CDK9: variants seen among roughly 807,000 people sequenced by gnomAD.
The protein encoded by CDK9 is cyclin-dependent kinase 9.
A neutral mutation model predicts 39.0 loss-of-function variants in CDK9; 34 were observed. The observed-to-expected ratio is 0.87, with a 90% CI of 0.66 to 1.16. The LOEUF (loss-of-function observed/expected upper bound fraction) is 1.16. Among genes scored for constraint, CDK9 ranks in the 50% most tolerant of loss-of-function variants. The probability of loss-of-function intolerance (pLI) is 0.00; values close to 1 mark genes in which losing one functional copy is unlikely to be tolerated. For missense variants in CDK9, 369 were observed against 503.2 expected (o/e 0.73, Z 2.55); for synonymous variants, 233 against 196.2 (o/e 1.19, Z -1.57).
In CDK9 at chr9:127,789,537, C is replaced by T. The variant is rs767296801; in HGVS notation, c.1113C>T (p.Val371=). The T allele has an allele frequency of 6.8e-6, 11 of 1,613,330 alleles. No individual in the cohort carries two copies. The highest frequency in any genetic ancestry group is 2.2e-5 in the South Asian group (2 of 91,058). Residue 371 remains valine, a synonymous_variant, in exon 7 of 7, where the codon GTC becomes GTT. Coordinates refer to ENST00000373264, the MANE Select transcript of CDK9 (RefSeq NM_001261.4). The surrounding 1 kb of genome is among the most constrained non-coding windows in gnomAD (Gnocchi z 5.2). ...CCAACCAGACGGAGTTTGAGCGCGT[C>T]TTCTGAGGGCCGGCGCTTGCCACTA... ...ATTNQTEFER[V]F is the part of the protein sequence containing the mutation.
At position 127,790,140 on chromosome 9, in the gene CDK9, A is replaced by G. The variant is rs1174987105; in HGVS notation, c.*597A>G. On this transcript the variant is annotated 3_prime_UTR_variant, in exon 7 of 7. Coordinates refer to ENST00000373264, the MANE Select transcript of CDK9 (RefSeq NM_001261.4). ...GTTTTGTTCTGCGCACACACCGCCAACTGTTCCCCCACAGTCAGCAGCAGG... is the reference window on the plus strand; with the variant it reads ...GTTTTGTTCTGCGCACACACCGCCAGCTGTTCCCCCACAGTCAGCAGCAGG... 2.0e-5 allele frequency: 3 copies of G among 151,572 alleles called. No homozygotes were observed. The highest frequency in any genetic ancestry group is 6.6e-5 in the Admixed American group (1 of 15,174). The allele number at this position is 151,572 out of a possible 1,614,324, so 9.4% of individuals were successfully genotyped here.
intron 1 of CDK9, 114 bp from the exon 2 acceptor site, chr9:127,786,587 A>G (rs1299787721): frequency 2.0e-5 from 19 of 946,512 alleles, no homozygotes; most frequent in African/African-American, 4.9e-5. Context: ...CTGGGTACCT[A>G]GCCCAGCCCC....
In CDK9 at chr9:127,786,075, C is replaced by T. The variant is rs898084298; in HGVS notation, c.-74C>T. ...CGCGGCCGCGGAGGGGCCTGGAGTG[C>T]GGCGGCGGCGGGACCCGGAGCAGGA... On this transcript the variant is annotated 5_prime_UTR_variant, in exon 1 of 7. Transcript: ENST00000373264. 11 of 1,045,102 alleles carry T rather than the reference C, an allele frequency of 1.1e-5. No homozygotes were observed. The highest frequency in any genetic ancestry group is 1.5e-5 in the Non-Finnish European group (11 of 732,292). The allele number at this position is 1,045,102 out of a possible 1,614,324, so 64.7% of individuals were successfully genotyped here.
intron 5 of CDK9, 58 bp downstream of exon 5, chr9:127,788,443 C>T (rs1829369953): frequency 1.3e-6 from 2 of 1,559,400 alleles, no homozygotes; most frequent in African/African-American, 2.7e-5. Context: ...CTGGCCCCTT[C>T]CCCCCAACTG....
intron 5 of CDK9, 22 bp from the exon 6 acceptor site, chr9:127,788,522 C>A: frequency 6.5e-7 from 1 of 1,547,968 alleles, no homozygotes; most frequent in East Asian, 2.4e-5. Flanking sequence ...AAGGGGCCCT[C>A]CTGGTGCGCT....
rs1829392823 is a variant in CDK9, at chr9:127,789,591, T to C, written c.*48T>C. The C allele has an allele frequency of 6.3e-7, 1 of 1,588,040 alleles. No individual in the cohort carries two copies. The highest frequency in any genetic ancestry group is 8.6e-7 in the Non-Finnish European group (1 of 1,167,220). ...CTCTTGTGTTTTTTTTCTTCTGCTA[T>C]GTGACTTGCATCGTGGAGACAGGGC... On this transcript the variant is annotated 3_prime_UTR_variant, in exon 7 of 7. Coordinates refer to ENST00000373264, the MANE Select transcript of CDK9 (RefSeq NM_001261.4). This position sits in a 1 kb window ranked among gnomAD's most constrained non-coding sequence, Gnocchi z 5.2.
intron 1 of CDK9, 68 bp from the exon 2 acceptor site, chr9:127,786,633 T>A: frequency 7.5e-7 from 1 of 1,324,736 alleles, no homozygotes; most frequent in African/African-American, 1.4e-5. Context: ...CCTCCTCCTG[T>A]AGTGGGGGAG....
In CDK9 at chr9:127,790,667, C is replaced by G. The variant is rs961441569; in HGVS notation, c.*1124C>G. ...GAGGTCAATTTCCTACATCCTCTTA[C>G]AGGCGGAGACCTTGAAGTGGGGCCA... is the stretch of plus-strand genomic sequence containing the variant. On this transcript the variant is annotated 3_prime_UTR_variant, in exon 7 of 7. Transcript: ENST00000373264. 2.6e-5 allele frequency: 4 copies of G among 152,100 alleles called. No homozygotes were observed. The highest frequency in any genetic ancestry group is 9.7e-5 in the African/African-American group (4 of 41,400). The allele number at this position is 152,100 out of a possible 1,614,324, so 9.4% of individuals were successfully genotyped here. A position where few individuals can be genotyped will look rare whatever the true frequency, so the allele number is the denominator to read the frequency against.
rs375572085 is a variant in CDK9, at chr9:127,789,833, G to A, written c.*290G>A. 16 of 412,320 alleles carry A rather than the reference G, an allele frequency of 3.9e-5. No individual in the cohort carries two copies. Among genetic ancestry groups the A allele is most frequent in the East Asian group, 1.5e-4 (3 of 19,568 alleles). 25.5% of individuals were successfully genotyped at this position (412,320 alleles called of 1,614,324 possible). On this transcript the variant is annotated 3_prime_UTR_variant, in exon 7 of 7. Coordinates refer to ENST00000373264, the MANE Select transcript of CDK9 (RefSeq NM_001261.4). This position sits in a 1 kb window ranked among gnomAD's most constrained non-coding sequence, Gnocchi z 5.2. ...GTGACTTTTTCTAAGAGCTCCCGGC[G>A]TGGTGGAAGAGGGGACAGGTCCCTC...
chr9:127,786,669 A>C, intron 1 of CDK9, 32 bp from the exon 2 acceptor site: 1 of 1,596,698 alleles, frequency 6.3e-7, no homozygotes, highest in African/African-American at 1.3e-5. Flanking sequence ...AAATGGCCTG[A>C]TGAGTTCTCG....
At position 127,788,257 on chromosome 9, in the gene CDK9, G is replaced by C. The variant is rs769188538; in HGVS notation, c.476G>C (p.Arg159Pro). ...AAGGCTGCTAATGTGCTTATCACTC[G>C]TGATGGGGTCCTGAAGCTGGCAGAC... ...DMKAANVLIT[R>P]DGVLKLADFG... Residue 159 changes from arginine to proline, a missense_variant, in exon 5 of 7, where the codon CGT becomes CCT. By Grantham distance (103) the Arg-to-Pro change is moderately radical (BLOSUM62 -2). Transcript: ENST00000373264. 21 of 1,613,706 alleles carry C rather than the reference G, an allele frequency of 1.3e-5. No homozygotes were observed. The highest frequency in any genetic ancestry group is 1.7e-5 in the Non-Finnish European group (20 of 1,180,042).
chr9:127,788,293 C>A lies in CDK9; in HGVS notation c.512C>A (p.Ala171Asp). 1 of 1,613,434 alleles carries A rather than the reference C, an allele frequency of 6.2e-7. No homozygotes were observed. Among genetic ancestry groups the A allele is most frequent in the Non-Finnish European group, 8.5e-7 (1 of 1,179,992 alleles). The change falls in exon 5 of 7, where the codon GCC (alanine) becomes GAC (aspartate). Residue 171 changes from alanine to aspartate, a missense_variant. Physicochemically the swap from Ala to Asp is moderately radical, Grantham distance 126 (BLOSUM62 -2). Coordinates refer to ENST00000373264, the MANE Select transcript of CDK9 (RefSeq NM_001261.4). ...CTGAAGCTGGCAGACTTTGGGCTGG[C>A]CCGGGCCTTCAGCCTGGCCAAGAAC... The part of the protein sequence containing the change: ...GVLKLADFGL[A>D]RAFSLAKNSQ...
chr9:127,786,769 A>G lies in CDK9; in HGVS notation c.161A>G (p.Asn54Ser), dbSNP rs1829329177. The G allele has an allele frequency of 6.2e-7, 1 of 1,613,774 alleles. No individual in the cohort carries two copies. ...KVALKKVLMENEKEGFPITAL... is the reference protein window; with the variant it reads ...KVALKKVLMESEKEGFPITAL... Reference sequence around the variant, plus strand: ...GCTCTGAAGAAGGTGCTGATGGAAAACGAGAAGGAGGGGGTGAGTACGGAT... The same window carrying G: ...GCTCTGAAGAAGGTGCTGATGGAAAGCGAGAAGGAGGGGGTGAGTACGGAT... The change falls in exon 2 of 7, where the codon AAC becomes AGC. Residue 54 changes from asparagine (N) to serine (S), a missense_variant. By Grantham distance (46) the Asn-to-Ser change is conservative. Coordinates refer to ENST00000373264, the MANE Select transcript of CDK9 (RefSeq NM_001261.4).
At position 127,786,316 on chromosome 9, in the gene CDK9, C is replaced by CCG. The variant is rs1554803155; in HGVS notation, c.92+77_92+78insGC. 4.1e-6 allele frequency: 5 copies of CCG among 1,216,644 alleles called. No homozygotes were observed. The African/African-American group carries it at 4.7e-5, about 11-fold the overall frequency. 75.4% of individuals were successfully genotyped at this position (1,216,644 alleles called of 1,614,324 possible). A position where few individuals can be genotyped will look rare whatever the true frequency, so the allele number is the denominator to read the frequency against. On this transcript the variant is annotated intron_variant, in intron 1 of 6. Transcript: ENST00000373264. The stretch of plus-strand genomic sequence containing the variant: ...CCGACGTCGGGATGCCCGGGCCCCC[C>CCG]CCGAGTTGGTAGAGAAGTCGTCTGT...
At chr9:127,787,198 G>A (rs1018859159) in intron 2 of CDK9, among the ~76,000 whole-genome samples, 4 of 152,122 alleles carry the variant, frequency 2.6e-5, no homozygotes, top group South Asian at 2.1e-4. Context: ...CTTCTTTTGC[G>A]TAATGTGCAT....
chr9:127,789,512 C>G lies in CDK9; in HGVS notation c.1088C>G (p.Thr363Ser), dbSNP rs771220295. The change falls in exon 7 of 7, where the codon ACC becomes AGC. Residue 363 changes from threonine to serine, a missense_variant. Coordinates refer to ENST00000373264, the MANE Select transcript of CDK9 (RefSeq NM_001261.4). The surrounding 1 kb of genome is among the most constrained non-coding windows in gnomAD (Gnocchi z 5.2). Reference sequence around the variant, plus strand: ...AACCAGAGTCGCAATCCCGCCACCACCAACCAGACGGAGTTTGAGCGCGTC... The same window carrying G: ...AACCAGAGTCGCAATCCCGCCACCAGCAACCAGACGGAGTTTGAGCGCGTC... ...STNQSRNPAT[T>S]NQTEFERVF is the part of the protein sequence containing the mutation. 3 of 1,614,034 alleles carry G rather than the reference C, an allele frequency of 1.9e-6. No individual in the cohort carries two copies. Among genetic ancestry groups the G allele is most frequent in the African/African-American group, 1.3e-5 (1 of 74,944 alleles).
In CDK9 at chr9:127,788,539, C is replaced by T. The variant is rs1426631204; in HGVS notation, c.605-5C>T. ...GGGGCCCTCCTGGTGCGCTCTTCTTCCCAGGGGAGCGGGACTACGGCCCCC... is the reference window on the plus strand; with the variant it reads ...GGGGCCCTCCTGGTGCGCTCTTCTTTCCAGGGGAGCGGGACTACGGCCCCC... On this transcript the variant is annotated splice_region_variant and splice_polypyrimidine_tract_variant and intron_variant, in intron 5 of 6. Coordinates refer to ENST00000373264, the MANE Select transcript of CDK9 (RefSeq NM_001261.4). The T allele has an allele frequency of 1.3e-6, 2 of 1,558,374 alleles. No individual in the cohort carries two copies. The highest frequency in any genetic ancestry group is 2.4e-5 in the East Asian group (1 of 42,458).
rs1335974197 is a variant in CDK9, at chr9:127,787,694, CTCT to C, written c.265+91_265+93del. On this transcript the variant is annotated intron_variant, in intron 3 of 6. Transcript: ENST00000373264. ...TTGGAACTAGGCACACCTAAACTGCCTCTTCTTAACTCAGATGGACCCATGGTG... is the reference window on the plus strand; with the variant it reads ...TTGGAACTAGGCACACCTAAACTGCCTCTTAACTCAGATGGACCCATGGTG... 6.8e-6 allele frequency: 7 copies of C among 1,024,950 alleles called. No homozygotes were observed. The Admixed American group carries it at 1.2e-4, about 18-fold the overall frequency. 63.5% of individuals were successfully genotyped at this position (1,024,950 alleles called of 1,614,324 possible).
At position 127,786,790 on chromosome 9, in the gene CDK9, C is replaced by A. The variant is rs761535526; in HGVS notation, c.174+8C>A. ...GAAAACGAGAAGGAGGGGGTGAGTA[C>A]GGATCGGGCGTGCGGGCCGGCCGGC... On this transcript the variant is annotated splice_region_variant and intron_variant, in intron 2 of 6. Transcript: ENST00000373264. The A allele has an allele frequency of 6.2e-7, 1 of 1,612,816 alleles. No individual in the cohort carries two copies. The highest frequency in any genetic ancestry group is 1.7e-5 in the Admixed American group (1 of 59,948).
Sources: allele counts gnomAD v4.1 joint callset (sites outside exome capture counted in the v4.1 genomes callset), GRCh38; gene constraint gnomAD v4.1.1; non-coding constraint Gnocchi (gnomAD v3.1); transcripts MANE v1.5; gene names NCBI Gene and HGNC (gene_info 2026-07-23, HGNC 2026-07-21).